Variants in ROBO2 observed in about 807,000 individuals in gnomAD.
ROBO2 encodes the protein roundabout guidance receptor 2.
Under a neutral mutation model 160.8 loss-of-function variants are expected in ROBO2, and 53 were observed. The observed-to-expected ratio is 0.33, with a 90% CI of 0.26 to 0.41. ROBO2 has a LOEUF of 0.41. Ranked by LOEUF, ROBO2 falls within the 10% of genes least tolerant of loss-of-function variation. The probability of loss-of-function intolerance (pLI) is 1.00; values close to 1 mark genes in which losing one functional copy is unlikely to be tolerated. For synonymous variants in ROBO2, 664 were observed against 611.7 expected (o/e 1.09, Z -1.26); for missense variants, 1,577 against 1,722.4 (o/e 0.92, Z 1.49).
chr3:76,248,643 A>C (rs1358084106), intron 2 of ROBO2, among the ~76,000 whole-genome samples: 1 of 137,934 alleles, frequency 7.2e-6, no homozygotes, highest in African/African-American at 2.8e-5. Flanking sequence ...AAGTATAATA[A>C]TAAAAGAAAA....
intron 2 of ROBO2, among the ~76,000 whole-genome samples, chr3:76,540,926 A>G (rs2082780511): frequency 6.6e-6 from 1 of 151,990 alleles, no homozygotes; most frequent in Admixed American, 6.6e-5. Flanking sequence ...CAGCCTCCCA[A>G]GAAGCTGGGA....
chr3:77,494,618 A>G (rs1473362165), intron 5 of ROBO2, among the ~76,000 whole-genome samples: 1 of 151,986 alleles, frequency 6.6e-6, no homozygotes, highest in African/African-American at 2.4e-5. Context: ...CAACAAAACA[A>G]CTTCGTTTCT....
intron 20 of ROBO2, 164 bp downstream of exon 21, chr3:77,602,655 A>G (rs2094452163): frequency 3.9e-6 from 3 of 762,760 alleles, no homozygotes; most frequent in Admixed American, 2.2e-5. Context: ...TCCTACCACC[A>G]CCACCGCCAC....
intron 2 of ROBO2, among the ~76,000 whole-genome samples, chr3:76,383,772 A>G (rs1447236661): frequency 1.3e-5 from 2 of 152,224 alleles, no homozygotes; most frequent in African/African-American, 4.8e-5. Flanking sequence ...GTTAGAGTAA[A>G]TCAAATAACC....
intron 19 of ROBO2, among the ~76,000 whole-genome samples, chr3:77,599,731 T>C (rs1429711782): frequency 6.6e-6 from 1 of 152,102 alleles, no homozygotes; most frequent in Non-Finnish European, 1.5e-5. Context: ...AAATAGTACT[T>C]AGAATAATAA....
At chr3:76,677,875 G>T (rs140400977) in intron 2 of ROBO2, among the ~76,000 whole-genome samples, 178 of 148,608 alleles carry the variant, frequency 1.2e-3, no homozygotes, top group Middle Eastern at 0.011. Context: ...TGTCTCTGCT[G>T]ACTTGCCTAT....
chr3:76,208,724 A>G (rs149360595), intron 2 of ROBO2, among the ~76,000 whole-genome samples: 1,692 of 152,220 alleles, frequency 0.011, 38 homozygotes, highest in African/African-American at 0.039. Context: ...TTCTGCCCTT[A>G]GATACGATTT....
intron 11 of ROBO2, 85 bp from the exon 13 acceptor site, chr3:77,564,869 C>G (rs2093433488): frequency 8.8e-7 from 1 of 1,134,066 alleles, no homozygotes; most frequent in East Asian, 2.5e-5. Flanking sequence ...TAATTTCCAG[C>G]CATTAACCTT....
chr3:76,365,179 A>C (rs1028697558), intron 2 of ROBO2, among the ~76,000 whole-genome samples: 1 of 152,042 alleles, frequency 6.6e-6, no homozygotes, highest in Non-Finnish European at 1.5e-5. Flanking sequence ...TATCACCTGT[A>C]TCTGTACTCC....
chr3:77,355,309 A>G (rs6774737), intron 2 of ROBO2, among the ~76,000 whole-genome samples: 2,920 of 152,232 alleles, frequency 0.019, 104 homozygotes, highest in African/African-American at 0.066. Context: ...AAATTAGATC[A>G]TACAATCTGT....
chr3:76,512,362 A>G (rs1259103356), intron 2 of ROBO2, among the ~76,000 whole-genome samples: 1 of 151,016 alleles, frequency 6.6e-6, no homozygotes, highest in Middle Eastern at 3.2e-3. Flanking sequence ...CTTTAATCAA[A>G]ACACAGCATC....
At chr3:76,194,584 G>A (rs373427895) in intron 2 of ROBO2, among the ~76,000 whole-genome samples, 33 of 151,412 alleles carry the variant, frequency 2.2e-4, no homozygotes, top group South Asian at 4.2e-4. Flanking sequence ...AGTTAATACC[G>A]GAAGGACTGT....
rs555076088 is a variant in ROBO2, at chr3:76,000,891, GCTCT to G, written c.109+63292_109+63295del. ...AAAATCCTTTGTCATTATAGCTTAT[GCTCT>G]CTATCTTTTAGTAGCGAACTTAATC... On this transcript the variant is annotated intron_variant, in intron 2 of 26. Transcript: ENST00000487694. Among the ~76,000 whole-genome samples, 15 of 151,956 alleles carry G rather than the reference GCTCT, an allele frequency of 9.9e-5. No individual in the cohort carries two copies. The East Asian group carries it at 2.5e-3, about 25-fold the overall frequency.
chr3:76,055,785 A>G (rs1427917551), intron 2 of ROBO2, among the ~76,000 whole-genome samples: 1 of 151,978 alleles, frequency 6.6e-6, no homozygotes, highest in Non-Finnish European at 1.5e-5. Context: ...TTTGAGACGG[A>G]GTCTCGCTCT....
rs755688141 is a variant in ROBO2 at position 77,477,443 on chromosome 3, A to G, written c.418A>G (p.Thr140Ala). ...ACGAGATGACTTCCGACAAAACCCC[A>G]CAGATGTTGTAGTGGCAGCTGGAGA... The change falls in exon 3 of 26, where the codon ACA becomes GCA. Residue 140 changes from threonine (T) to alanine (A), a missense_variant. Physicochemically the swap from Thr to Ala is moderately conservative, Grantham distance 58. Coordinates refer to ENST00000461745, the Ensembl canonical transcript of ROBO2. 6 of 1,613,896 alleles carry G rather than the reference A, an allele frequency of 3.7e-6. No individual in the cohort carries two copies. In the Admixed American group the frequency reaches 6.7e-5, roughly 18 times the overall value.
intron 2 of ROBO2, among the ~76,000 whole-genome samples, chr3:76,872,063 C>T (rs2072158260): frequency 6.6e-6 from 1 of 151,990 alleles, no homozygotes; most frequent in Non-Finnish European, 1.5e-5. Context: ...AATCAAGGCA[C>T]CCACTGAGAA....
chr3:76,764,004 C>T (rs931419469), intron 2 of ROBO2, among the ~76,000 whole-genome samples: 3 of 151,824 alleles, frequency 2.0e-5, no homozygotes, highest in East Asian at 3.9e-4. Context: ...TAACATATCC[C>T]TTGGCCGGGA....
intron 2 of ROBO2, among the ~76,000 whole-genome samples, chr3:77,370,493 T>A (rs2071581812): frequency 6.6e-6 from 1 of 152,178 alleles, no homozygotes; most frequent in South Asian, 2.1e-4. Flanking sequence ...AGCTTTTTGC[T>A]GCCTCCTTCT....
intron 2 of ROBO2, among the ~76,000 whole-genome samples, chr3:76,446,076 A>T (rs1393607292): frequency 6.6e-6 from 1 of 152,170 alleles, no homozygotes; most frequent in Admixed American, 6.5e-5. Context: ...ATGGTATTCA[A>T]TTAGGAAAAG....
Sources: allele counts gnomAD v4.1 joint callset (sites outside exome capture counted in the v4.1 genomes callset), GRCh38; gene constraint gnomAD v4.1.1; transcripts MANE v1.5; gene names NCBI Gene and HGNC (gene_info 2026-07-23, HGNC 2026-07-21).